The following MYO5B variants were observed in gnomAD, a reference collection of about 807,000 sequenced individuals.
MYO5B encodes the protein unconventional myosin-Vb.
Under a neutral mutation model 229.3 loss-of-function variants are expected in MYO5B, and 143 were observed. The ratio of observed to expected loss-of-function variants is 0.62; its 90% confidence interval spans 0.54 to 0.72. The LOEUF is 0.72. Ranked by LOEUF, MYO5B falls within the 30% of genes least tolerant of loss-of-function variation. The probability of loss-of-function intolerance (pLI) is 0.00; values close to 1 mark genes in which losing one functional copy is unlikely to be tolerated. For missense variants in MYO5B, 2,321 were observed against 2,331.0 expected (o/e 1.00, Z 0.09); for synonymous variants, 918 against 885.2 (o/e 1.04, Z -0.66).
chr18:49,847,109 G>A, intron 33 of MYO5B, 37 bp downstream of exon 33: 1 of 1,613,252 alleles, frequency 6.2e-7, no homozygotes. Flanking sequence ...GGCTGAAGGA[G>A]GGGCAGGCAG....
chr18:49,842,867 G>C (rs2024076557), intron 34 of MYO5B, among the ~76,000 whole-genome samples: 1 of 152,204 alleles, frequency 6.6e-6, no homozygotes, highest in Non-Finnish European at 1.5e-5. Context: ...CCATGTTTCA[G>C]GGGTGTCCCT....
At position 50,107,994 on chromosome 18, in the gene MYO5B, C is replaced by T. The variant is rs4939937; in HGVS notation, c.28-52616G>A. ...CGTGATCTTGGCTCACTACAACCTTCGCCTCCCAGGTTCAAGCAATTCTCA... is the reference window on the plus strand; with the variant it reads ...CGTGATCTTGGCTCACTACAACCTTTGCCTCCCAGGTTCAAGCAATTCTCA... On this transcript the variant is annotated intron_variant, in intron 1 of 39. Coordinates refer to ENST00000285039, the MANE Select transcript of MYO5B (RefSeq NM_001080467.3). 2.7e-3 allele frequency among the ~76,000 whole-genome samples: 403 copies of T among 149,178 alleles called. 9 individuals are homozygous for T. Among genetic ancestry groups the T allele is most frequent in the Admixed American group, 0.024 (356 of 15,062 alleles).
At chr18:49,953,127 A>G (rs2025447246) in intron 14 of MYO5B, 133 bp downstream of exon 14, 1 of 782,318 alleles carries the variant, frequency 1.3e-6, no homozygotes, top group Non-Finnish European at 2.2e-6. Context: ...TACCGAAATG[A>G]CCAACAAACC....
At chr18:49,939,745 A>G (rs1293462096) in intron 14 of MYO5B, among the ~76,000 whole-genome samples, 2 of 152,228 alleles carry the variant, frequency 1.3e-5, no homozygotes, top group Non-Finnish European at 2.9e-5. Flanking sequence ...ATTTGTTTCA[A>G]TACAGAAATA....
rs1446821416 is a variant in MYO5B, at chr18:49,864,163, C to A, written c.3821G>T (p.Arg1274Leu). Residue 1274 changes from arginine to leucine, a missense_variant, in exon 28 of 40, where the codon CGG becomes CTG. Coordinates refer to ENST00000285039, the MANE Select transcript of MYO5B (RefSeq NM_001080467.3). ...TACCGCGTTCCTGCCGGCGAGTCGC[C>A]GCTGGTCGGCGCTCACGATCTGGGT... ...LRTQIVSADQ[R>L]RLAGRNAEPN... 12 of 1,610,772 alleles carry A rather than the reference C, an allele frequency of 7.4e-6. No individual in the cohort carries two copies. The highest frequency in any genetic ancestry group is 9.3e-6 in the Non-Finnish European group (11 of 1,179,956).
At chr18:50,082,727 T>TA (rs1276636344) in intron 1 of MYO5B, among the ~76,000 whole-genome samples, 1 of 152,162 alleles carries the variant, frequency 6.6e-6, no homozygotes, top group Non-Finnish European at 1.5e-5. Flanking sequence ...TTACTTCAGT[T>TA]AAAAAATGAA....
chr18:50,085,135 G>C (rs1051266234), intron 1 of MYO5B, among the ~76,000 whole-genome samples: 1 of 152,096 alleles, frequency 6.6e-6, no homozygotes, highest in African/African-American at 2.4e-5. Context: ...GCAACCTACA[G>C]AATGGGAGAA....
At chr18:50,191,590 T>G (rs1047225307) in intron 1 of MYO5B, among the ~76,000 whole-genome samples, 17 of 152,230 alleles carry the variant, frequency 1.1e-4, no homozygotes, top group African/African-American at 3.9e-4. Context: ...CCTACAAGTA[T>G]TGTCTTTAAA....
At chr18:50,163,663 C>T (rs1423527275) in intron 1 of MYO5B, among the ~76,000 whole-genome samples, 1 of 152,196 alleles carries the variant, frequency 6.6e-6, no homozygotes, top group Admixed American at 6.5e-5. Flanking sequence ...CAAAGGTAGT[C>T]TCTGGGCCAG....
chr18:49,882,072 C>T (rs1303594213), intron 22 of MYO5B, among the ~76,000 whole-genome samples: 2 of 152,144 alleles, frequency 1.3e-5, no homozygotes, highest in African/African-American at 4.8e-5. Flanking sequence ...AATCACATCC[C>T]TGCCTTTGTG....
chr18:50,096,321 C>G (rs191888307), intron 1 of MYO5B, among the ~76,000 whole-genome samples: 17 of 152,278 alleles, frequency 1.1e-4, no homozygotes, highest in African/African-American at 4.1e-4. Context: ...CTTTCAACAT[C>G]TGCTTCTCAC....
rs191712941 is a variant in MYO5B at position 50,089,174 on chromosome 18, T to C, written c.28-33796A>G. On this transcript the variant is annotated intron_variant, in intron 1 of 39. Coordinates refer to ENST00000285039, the MANE Select transcript of MYO5B (RefSeq NM_001080467.3). ...GTGGACAGATCATGAGGTCAGGAGT[T>C]CGAGACCAGCCTGGCCAATATGGTG... Among the ~76,000 whole-genome samples, 904 of 152,258 alleles carry C rather than the reference T, an allele frequency of 5.9e-3. 4 individuals are homozygous for C. Among genetic ancestry groups the C allele is most frequent in the Non-Finnish European group, 9.1e-3 (619 of 68,018 alleles).
rs569318022 is a variant in MYO5B, at chr18:50,187,701, G to A, written c.27+7066C>T. ...CAGCTAATTTTTTCTATTTTTTGTA[G>A]AGATGAGGTCTCGCTATGTTGTCCA... is the stretch of plus-strand genomic sequence containing the variant. On this transcript the variant is annotated intron_variant, in intron 1 of 39. Transcript: ENST00000285039. Among the ~76,000 whole-genome samples the A allele has an allele frequency of 2.6e-5, 4 of 152,230 alleles. No individual in the cohort carries two copies. In the East Asian group the frequency reaches 7.7e-4, roughly 29 times the overall value.
intron 14 of MYO5B, among the ~76,000 whole-genome samples, chr18:49,952,078 T>C (rs1038554961): frequency 1.3e-5 from 2 of 152,218 alleles, no homozygotes; most frequent in Admixed American, 6.5e-5. Flanking sequence ...CAGGGGTCTG[T>C]TCTTGGCAGT....
At chr18:49,924,055 G>T (rs1180698332) in intron 17 of MYO5B, among the ~76,000 whole-genome samples, 1 of 152,134 alleles carries the variant, frequency 6.6e-6, no homozygotes, top group African/African-American at 2.4e-5. Context: ...GGGACATTCA[G>T]CTCCAGTCTG....
At chr18:49,899,995 G>C (rs2024822945) in intron 21 of MYO5B, among the ~76,000 whole-genome samples, 3 of 152,128 alleles carry the variant, frequency 2.0e-5, no homozygotes, top group South Asian at 4.2e-4. Context: ...ATTGTAAAAT[G>C]CTAGATTTAT....
chr18:49,872,400 C>T (rs1489006152), intron 26 of MYO5B, among the ~76,000 whole-genome samples, 168 bp from the exon 27 acceptor site: 1 of 152,038 alleles, frequency 6.6e-6, no homozygotes, highest in Non-Finnish European at 1.5e-5. Flanking sequence ...GCTCAACACT[C>T]CAGCCTACCA....
intron 1 of MYO5B, among the ~76,000 whole-genome samples, chr18:50,124,743 A>G (rs2032129469): frequency 6.6e-6 from 1 of 151,762 alleles, no homozygotes; most frequent in South Asian, 2.1e-4. Context: ...CACTGCTTGC[A>G]ATTGACACAT....
At chr18:49,935,449 G>A (rs1161578228) in intron 16 of MYO5B, among the ~76,000 whole-genome samples, 2 of 152,180 alleles carry the variant, frequency 1.3e-5, no homozygotes, top group African/African-American at 2.4e-5. Flanking sequence ...CTTCTAGTAT[G>A]GGAGATCAGG....
Sources: gnomAD v4.1 joint callset for allele counts (sites outside exome capture counted in the v4.1 genomes callset) on GRCh38, gnomAD v4.1.1 for gene constraint, MANE v1.5 for transcripts, NCBI Gene and HGNC (gene_info 2026-07-23, HGNC 2026-07-21) for gene names.